The following CRB1 variants were observed in gnomAD, a reference collection of about 807,000 sequenced individuals.
CRB1 encodes the protein protein crumbs homolog 1.
A neutral mutation model predicts 120.0 loss-of-function variants in CRB1; 83 were observed. The ratio of observed to expected loss-of-function variants is 0.69; its 90% CI spans 0.58 to 0.83. The LOEUF is 0.83. CRB1 is among the 40% of genes least tolerant of loss of function. The pLI, the probability that CRB1 is intolerant of heterozygous loss-of-function variation, is 0.00. For synonymous variants in CRB1, 625 were observed against 612.5 expected (o/e 1.02, Z -0.30); for missense variants, 1,699 against 1,687.6 (o/e 1.01, Z -0.12).
In CRB1 at chr1:197,356,962, A is replaced by G; in HGVS notation, c.1120A>G (p.Ser374Gly). ...GRITGLPSSF[S>G]YHEASGYVCI... ...CATCACTGGACTGCCTTCTTCTTTC[A>G]GCTACCATGAAGCCTCAGGTTATGT... The change falls in exon 5 of 12, where the codon AGC becomes GGC. Residue 374 changes from serine (S) to glycine (G), a missense_variant. By Grantham distance (56) the Ser-to-Gly change is moderately conservative (BLOSUM62 0). Transcript: ENST00000367400. The G allele has an allele frequency of 6.2e-7, 1 of 1,614,218 alleles. No individual in the cohort carries two copies. Among genetic ancestry groups the G allele is most frequent in the East Asian group, 2.2e-5 (1 of 44,884 alleles).
At chr1:197,420,000 C>CAAA (rs200847709) in intron 5 of CRB1, among the ~76,000 whole-genome samples, 6 of 140,076 alleles carry the variant, frequency 4.3e-5, no homozygotes, top group Non-Finnish European at 6.1e-5. Flanking sequence ...AAAAAAAAAA[C>CAAA]AAACAAAAAA....
intron 8 of CRB1, among the ~76,000 whole-genome samples, chr1:197,431,375 G>A (rs1027029819): frequency 1.3e-5 from 2 of 152,052 alleles, no homozygotes; most frequent in African/African-American, 2.4e-5. Context: ...AACATGATGC[G>A]TTGGCATAAA....
intron 11 of CRB1, among the ~76,000 whole-genome samples, chr1:197,474,910 T>G (rs1320707567): frequency 6.6e-6 from 1 of 152,328 alleles, no homozygotes; most frequent in Non-Finnish European, 1.5e-5. Context: ...CTCTTCTGTG[T>G]CCCAGCCTTT....
chr1:197,343,993 A>G (rs568682092), intron 2 of CRB1, among the ~76,000 whole-genome samples: 1 of 152,240 alleles, frequency 6.6e-6, no homozygotes, highest in Admixed American at 6.5e-5. Flanking sequence ...GGCTTCCAAC[A>G]AAAGTGCAGT....
intron 2 of CRB1, among the ~76,000 whole-genome samples, chr1:197,329,246 A>G (rs1341438712): frequency 6.6e-6 from 1 of 152,194 alleles, no homozygotes; most frequent in Admixed American, 6.5e-5. Context: ...TTAAAACTGG[A>G]TTCAGTCTAG....
At chr1:197,363,766 C>A (rs749843150) in intron 5 of CRB1, 47 of 625,754 alleles carry the variant, frequency 7.5e-5, no homozygotes, top group Non-Finnish European at 1.3e-4. Context: ...CTTTCCATGC[C>A]TGGCAACGGG....
the CRB1 span, among the ~76,000 whole-genome samples, chr1:197,243,155 G>A: frequency 6.6e-6 from 1 of 151,740 alleles, no homozygotes; most frequent in Non-Finnish European, 1.5e-5. Context: ...TTTTTGAAGG[G>A]TTTTTCATGT....
At chr1:197,244,796 A>G in the CRB1 span, among the ~76,000 whole-genome samples, 1 of 151,760 alleles carries the variant, frequency 6.6e-6, no homozygotes, top group Non-Finnish European at 1.5e-5. Flanking sequence ...AAAGACTCTA[A>G]TCACACAAAC....
intron 11 of CRB1, among the ~76,000 whole-genome samples, chr1:197,474,949 T>C (rs1667138194): frequency 6.6e-6 from 1 of 152,224 alleles, no homozygotes; most frequent in Non-Finnish European, 1.5e-5. Flanking sequence ...TCTGCGGTTC[T>C]GTTCCTCTTT....
chr1:197,346,274 T>C (rs1164266973), intron 3 of CRB1, among the ~76,000 whole-genome samples: 1 of 150,948 alleles, frequency 6.6e-6, no homozygotes, highest in Non-Finnish European at 1.5e-5. Context: ...ATGAGATACA[T>C]TGGAAAATCA....
intron 2 of CRB1, among the ~76,000 whole-genome samples, chr1:197,340,321 G>T (rs1210735891): frequency 6.6e-6 from 1 of 152,170 alleles, no homozygotes; most frequent in Non-Finnish European, 1.5e-5. Flanking sequence ...TTGAGATACA[G>T]TGGAGCTGTG....
the CRB1 span, among the ~76,000 whole-genome samples, chr1:197,248,274 AAATAATTATTGTATAAAAC>A: frequency 1.3e-5 from 2 of 152,016 alleles, no homozygotes; most frequent in African/African-American, 4.8e-5. Context: ...TTAGCTAATT[AAATAATTATTGTATAAAAC>A]GAAATATAAT....
chr1:197,273,606 A>C (rs1655024501), intron 1 of CRB1, among the ~76,000 whole-genome samples: 3 of 151,882 alleles, frequency 2.0e-5, no homozygotes, highest in Admixed American at 1.3e-4. Context: ...TATTTATTCA[A>C]TTGTTTATTC....
In CRB1 at chr1:197,385,198, T is replaced by C. The variant is rs78704126; in HGVS notation, c.1171+28185T>C. Among the ~76,000 whole-genome samples, 924 of 152,278 alleles carry C rather than the reference T, an allele frequency of 6.1e-3. 26 individuals are homozygous for C. In the East Asian group the frequency reaches 0.062, roughly 10 times the overall value. On this transcript the variant is annotated intron_variant, in intron 5 of 11. Coordinates refer to ENST00000367400, the MANE Select transcript of CRB1 (RefSeq NM_201253.3). Reference sequence around the variant, plus strand: ...CTTGAGACAAACCTGCTATTGTTAATTAGTCGAATTAGTTGTACAACTGTA... The same window carrying C: ...CTTGAGACAAACCTGCTATTGTTAACTAGTCGAATTAGTTGTACAACTGTA...
chr1:197,330,544 C>T (rs1016213843), intron 2 of CRB1, among the ~76,000 whole-genome samples: 1 of 152,164 alleles, frequency 6.6e-6, no homozygotes, highest in Non-Finnish European at 1.5e-5. Flanking sequence ...ATTTCTTATA[C>T]AAGTCATTTC....
chr1:197,442,403 A>G, intron 11 of CRB1, 111 bp downstream of exon 11: 2 of 1,604,598 alleles, frequency 1.2e-6, no homozygotes, highest in East Asian at 2.2e-5. Context: ...AGTGGGGTGA[A>G]CAGGAAGATT....
chr1:197,343,101 T>C (rs1430058446), intron 2 of CRB1, among the ~76,000 whole-genome samples: 1 of 152,212 alleles, frequency 6.6e-6, no homozygotes, highest in East Asian at 1.9e-4. Flanking sequence ...CTCTTTTAAG[T>C]TGGTTATTTG....
chr1:197,449,673 ATAT>A (rs1460239030), intron 11 of CRB1, among the ~76,000 whole-genome samples: 1 of 152,098 alleles, frequency 6.6e-6, no homozygotes, highest in African/African-American at 2.4e-5. Context: ...GCCCAGAAAA[ATAT>A]TATTTTATTT....
intron 5 of CRB1, among the ~76,000 whole-genome samples, chr1:197,364,264 C>T (rs1433356174): frequency 2.0e-5 from 3 of 152,112 alleles, no homozygotes; most frequent in South Asian, 2.1e-4. Context: ...AGAAAAGTGG[C>T]GTTGCCCTAT....
Sources: gnomAD v4.1 joint callset for allele counts (sites outside exome capture counted in the v4.1 genomes callset) on GRCh38, gnomAD v4.1.1 for gene constraint, MANE v1.5 for transcripts, NCBI Gene and HGNC (gene_info 2026-07-23, HGNC 2026-07-21) for gene names.